ST3GAL5: variants seen among roughly 807,000 people sequenced by gnomAD.
The protein encoded by ST3GAL5 is ST3 beta-galactoside alpha-2,3-sialyltransferase 5, also known as lactosylceramide alpha-2,3-sialyltransferase.
ST3GAL5 carries 25 observed loss-of-function variants against 46.1 expected under a neutral mutation model. The observed-to-expected ratio is 0.54, with a 90% CI of 0.40 to 0.76. The LOEUF (loss-of-function observed/expected upper bound fraction) is 0.76. Among genes scored for constraint, ST3GAL5 ranks in the 30% least tolerant of loss-of-function variants. The probability of loss-of-function intolerance (pLI) is 0.00; values close to 1 mark genes in which losing one functional copy is unlikely to be tolerated. For missense variants in ST3GAL5, 431 were observed against 521.2 expected, an observed-to-expected ratio of 0.83 and a Z score of 1.69; for synonymous variants, 182 against 192.7, an observed-to-expected ratio of 0.94 and a Z score of 0.46.
Position 85,851,339 on chromosome 2 carries a change from C to T in ST3GAL5, c.319-3135G>A, listed in dbSNP as rs118188746. ...AATCCTGAGTGAGTTTCTACATGTC[C>T]TGGCAACGTCTAAAGCCACAGCAAT... is the stretch of plus-strand genomic sequence containing the variant. On this transcript the variant is annotated intron_variant, in intron 3 of 6. Coordinates refer to ENST00000638572, the MANE Select transcript of ST3GAL5 (RefSeq NM_003896.4). The T allele has an allele frequency of 2.2e-4, 258 of 1,169,038 alleles. 2 individuals are homozygous for T. In the East Asian group the frequency reaches 0.012, roughly 55 times the overall value. The allele number at this position is 1,169,038 out of a possible 1,614,324, so 72.4% of individuals were successfully genotyped here.
intron 3 of ST3GAL5, among the ~76,000 whole-genome samples, chr2:85,860,026 C>G: frequency 6.6e-6 from 1 of 152,114 alleles, no homozygotes; most frequent in East Asian, 1.9e-4. Context: ...GAATTCAAGC[C>G]GGGCTTCACC....
intron 3 of ST3GAL5, chr2:85,855,667 G>C (rs553565140): frequency 1.3e-5 from 2 of 152,198 alleles, no homozygotes; most frequent in African/African-American, 2.4e-5. Flanking sequence ...ACAACTTAGA[G>C]AGTGGAGAAA....
chr2:85,871,887 A>C (rs904085323), intron 1 of ST3GAL5, among the ~76,000 whole-genome samples: 1 of 152,204 alleles, frequency 6.6e-6, no homozygotes, highest in Non-Finnish European at 1.5e-5. Context: ...GCAGAGAATA[A>C]ACCAACATAG....
At chr2:85,862,672 G>A (rs377170889) in intron 2 of ST3GAL5, among the ~76,000 whole-genome samples, 11 of 152,280 alleles carry the variant, frequency 7.2e-5, no homozygotes, top group East Asian at 5.8e-4. Context: ...CGTCATGAAC[G>A]TGGTGGGCCT....
In ST3GAL5 at chr2:85,839,672, A is replaced by G. The variant is rs1203309862; in HGVS notation, c.*472T>C. ...GCTGCATCGCAGACCCAGTATCAGC[A>G]GCAGAGCTACGGAGCACGTCATCCT... On this transcript the variant is annotated 3_prime_UTR_variant, in exon 7 of 7. Coordinates refer to ENST00000638572, the MANE Select transcript of ST3GAL5 (RefSeq NM_003896.4). 1 of 251,650 alleles carries G rather than the reference A, an allele frequency of 4.0e-6. No individual in the cohort carries two copies. The highest frequency in any genetic ancestry group is 1.1e-4 in the East Asian group (1 of 9,448). The allele number at this position is 251,650 out of a possible 1,614,324, so 15.6% of individuals were successfully genotyped here. A position where few individuals can be genotyped will look rare whatever the true frequency, so the allele number is the denominator to read the frequency against.
At chr2:85,886,775 T>A (rs1687811534) in intron 1 of ST3GAL5, among the ~76,000 whole-genome samples, 1 of 152,190 alleles carries the variant, frequency 6.6e-6, no homozygotes, top group East Asian at 1.9e-4. Flanking sequence ...TTTGGATGCC[T>A]TTGCTAACTT....
chr2:85,857,723 C>T (rs1684298224), intron 3 of ST3GAL5, among the ~76,000 whole-genome samples: 1 of 151,780 alleles, frequency 6.6e-6, no homozygotes, highest in Non-Finnish European at 1.5e-5. Flanking sequence ...TGGGTATTTT[C>T]CTGAAGGTAA....
intron 3 of ST3GAL5, chr2:85,849,492 GTAGTCCCAGC>G: frequency 6.6e-6 from 1 of 152,250 alleles, no homozygotes. Context: ...GTGGGCACCT[GTAGTCCCAGC>G]TACTCGGGAG....
rs1364482859 is a variant in ST3GAL5, at chr2:85,838,889, CTGA to C, written c.*1252_*1254del. 6.6e-6 allele frequency: 1 copy of C among 152,320 alleles called. No homozygotes were observed. The highest frequency in any genetic ancestry group is 1.5e-5 in the Non-Finnish European group (1 of 68,122). 9.4% of individuals were successfully genotyped at this position (152,320 alleles called of 1,614,324 possible). Reference sequence around the variant, plus strand: ...GGCTGGGAACAGAGTAGCAGATCTTCTGATATCAGAGGCTAGAGCCATTAAGAG... The same window carrying C: ...GGCTGGGAACAGAGTAGCAGATCTTCTATCAGAGGCTAGAGCCATTAAGAG... On this transcript the variant is annotated 3_prime_UTR_variant, in exon 7 of 7. Coordinates refer to ENST00000638572, the MANE Select transcript of ST3GAL5 (RefSeq NM_003896.4).
chr2:85,872,670 G>A (rs1419898571), intron 1 of ST3GAL5, among the ~76,000 whole-genome samples: 1 of 151,890 alleles, frequency 6.6e-6, no homozygotes, highest in Non-Finnish European at 1.5e-5. Flanking sequence ...ACTGAAGTAG[G>A]CCCCAAGCCA....
At chr2:85,862,436 ATTC>A (rs1449982568) in intron 2 of ST3GAL5, among the ~76,000 whole-genome samples, 3 of 152,094 alleles carry the variant, frequency 2.0e-5, no homozygotes, top group East Asian at 1.9e-4. Flanking sequence ...AATATTACCT[ATTC>A]TTCTCTTCAG....
In ST3GAL5 at chr2:85,873,802, A is replaced by G. The variant is rs576481975; in HGVS notation, c.83-10317T>C. On this transcript the variant is annotated intron_variant, in intron 1 of 6. Coordinates refer to ENST00000638572, the MANE Select transcript of ST3GAL5 (RefSeq NM_003896.4). Reference sequence around the variant, plus strand: ...GAAAACAAAAAAACAAAACAAAAAAACAACCACTGGAAGAGGCTGCAAAGC... The same window carrying G: ...GAAAACAAAAAAACAAAACAAAAAAGCAACCACTGGAAGAGGCTGCAAAGC... Among the ~76,000 whole-genome samples, 20 of 152,308 alleles carry G rather than the reference A, an allele frequency of 1.3e-4. No homozygotes were observed. The South Asian group carries it at 4.2e-3, about 32-fold the overall frequency.
intron 1 of ST3GAL5, among the ~76,000 whole-genome samples, chr2:85,871,318 C>T (rs968084273): frequency 1.4e-4 from 21 of 152,188 alleles, no homozygotes; most frequent in Admixed American, 6.5e-5. Flanking sequence ...AATTACACAA[C>T]AAATTACTGT....
chr2:85,861,004 T>C, intron 3 of ST3GAL5, 177 bp downstream of exon 3: 1 of 615,994 alleles, frequency 1.6e-6, no homozygotes, highest in Non-Finnish European at 2.9e-6. Flanking sequence ...GAGTAGTTAG[T>C]GGTGGGTTTT....
rs1381927795 is a variant in ST3GAL5, at chr2:85,837,603, ATATT to A, written c.*2537_*2540del. 1 of 152,222 alleles carries A rather than the reference ATATT, an allele frequency of 6.6e-6. No homozygotes were observed. The highest frequency in any genetic ancestry group is 1.5e-5 in the Non-Finnish European group (1 of 68,028). The allele number at this position is 152,222 out of a possible 1,614,324, so 9.4% of individuals were successfully genotyped here. ...TCAAATGTTTCTACCATAAAGACAA[ATATT>A]TAATGTGACAGATATCCCAGTTACA... On this transcript the variant is annotated 3_prime_UTR_variant, in exon 7 of 7. Coordinates refer to ENST00000638572, the MANE Select transcript of ST3GAL5 (RefSeq NM_003896.4).
intron 1 of ST3GAL5, among the ~76,000 whole-genome samples, chr2:85,871,856 C>CA (rs1685966019): frequency 6.6e-6 from 1 of 152,092 alleles, no homozygotes; most frequent in Non-Finnish European, 1.5e-5. Flanking sequence ...CGGTTATAAA[C>CA]AAAAATCTGA....
rs888119275 is a variant in ST3GAL5 at position 85,844,460 on chromosome 2, T to C, written c.944A>G (p.Lys315Arg). The change falls in exon 6 of 7, where the codon AAA (lysine) becomes AGA (arginine). Residue 315 changes from lysine to arginine, a missense_variant. Coordinates refer to ENST00000638572, the MANE Select transcript of ST3GAL5 (RefSeq NM_003896.4). ...CTGAAGGATGTCAAAGGCAGTCTCT[T>C]TGATGATAACTGGATTCAAAATCCT... ...HFRILNPVII[K>R]ETAFDILQYS... The C allele has an allele frequency of 8.1e-6, 13 of 1,614,100 alleles. No individual in the cohort carries two copies. The highest frequency in any genetic ancestry group is 1.3e-5 in the African/African-American group (1 of 74,942).
intron 1 of ST3GAL5, 180 bp downstream of exon 1, chr2:85,888,644 G>A (rs969847310): frequency 2.5e-5 from 9 of 362,198 alleles, no homozygotes; most frequent in African/African-American, 1.9e-4. Flanking sequence ...CACGGCCCGG[G>A]ACCACGACCC....
chr2:85,873,988 G>A (rs921136043), intron 1 of ST3GAL5, among the ~76,000 whole-genome samples: 3 of 152,146 alleles, frequency 2.0e-5, no homozygotes, highest in South Asian at 2.1e-4. Flanking sequence ...GAGGAAAGCC[G>A]TGTAATTAAC....
Sources: gnomAD v4.1 joint callset for allele counts (sites outside exome capture counted in the v4.1 genomes callset) on GRCh38, gnomAD v4.1.1 for gene constraint, MANE v1.5 for transcripts, NCBI Gene and HGNC (gene_info 2026-07-23, HGNC 2026-07-21) for gene names.